INTS4: variants seen among roughly 807,000 people sequenced by gnomAD.
INTS4 encodes integrator complex subunit 4.
In INTS4, 70 loss-of-function variants were observed where a neutral mutation model predicts 119.5. The observed-to-expected ratio is 0.59, with a 90% CI of 0.48 to 0.71. The LOEUF (loss-of-function observed/expected upper bound fraction) is 0.71, where lower values mean the gene tolerates loss of function less well. INTS4 is among the 30% of genes least tolerant of loss of function. INTS4 has a pLI of 0.00. For synonymous variants in INTS4, 316 were observed against 419.6 expected, an observed-to-expected ratio of 0.75 and a Z score of 3.02; for missense variants, 867 against 1,173.2, an observed-to-expected ratio of 0.74 and a Z score of 3.81.
chr11:77,923,884 C>T (rs1411068327), intron 12 of INTS4, among the ~76,000 whole-genome samples: 1 of 150,790 alleles, frequency 6.6e-6, no homozygotes, highest in East Asian at 2.0e-4. Context: ...CCTGCCTTCG[C>T]CTCCCAAGTA....
intron 21 of INTS4, among the ~76,000 whole-genome samples, chr11:77,889,315 A>C (rs113671826): frequency 6.7e-6 from 1 of 148,812 alleles, no homozygotes; most frequent in Non-Finnish European, 1.5e-5. Context: ...CAAACACCGC[A>C]TGTTCTCACT....
chr11:77,936,478 G>A (rs752577350), intron 10 of INTS4, among the ~76,000 whole-genome samples: 9 of 152,182 alleles, frequency 5.9e-5, no homozygotes, highest in East Asian at 1.9e-4. Context: ...TAACTCCTGC[G>A]CTCAAGCAAT....
At chr11:77,983,398 C>G (rs1856319496) in intron 2 of INTS4, among the ~76,000 whole-genome samples, 1 of 152,066 alleles carries the variant, frequency 6.6e-6, no homozygotes. Flanking sequence ...GTCACCATGC[C>G]CCAGTCTTCT....
At chr11:77,877,258 A>T (rs940646889), downstream of INTS4, among the ~76,000 whole-genome samples, 1 of 55,234 alleles carries the variant, frequency 1.8e-5, no homozygotes, top group Admixed American at 1.9e-4. Context: ...CTAGAGAGTT[A>T]ATTAATTAAT....
intron 10 of INTS4, among the ~76,000 whole-genome samples, chr11:77,932,886 A>G (rs968898679): frequency 6.8e-6 from 1 of 147,082 alleles, no homozygotes; most frequent in African/African-American, 2.5e-5. Context: ...GTTCTCACTC[A>G]TAAGTGGGAG....
At position 77,962,945 on chromosome 11, in the gene INTS4, G is replaced by A. The variant is rs148217085; in HGVS notation, c.472-1807C>T. Reference sequence around the variant, plus strand: ...CCAGAGAATTGCTTGAACCCAGGAAGCGGAGGTTTCAGTGAGCCAAGATCA... The same window carrying A: ...CCAGAGAATTGCTTGAACCCAGGAAACGGAGGTTTCAGTGAGCCAAGATCA... On this transcript the variant is annotated intron_variant, in intron 4 of 22. Transcript: ENST00000534064. 2.8e-3 allele frequency among the ~76,000 whole-genome samples: 424 copies of A among 152,194 alleles called. 1 individual carries two copies. Among genetic ancestry groups the A allele is most frequent in the African/African-American group, 9.8e-3 (407 of 41,510 alleles).
At position 77,932,656 on chromosome 11, in the gene INTS4, A is replaced by C. The variant is rs1953680653; in HGVS notation, c.1166-4109T>G. Reference sequence around the variant, plus strand: ...CATTCTACTATAAGAACACATGCACACATATGTTTATTGCAGCACTATTCA... The same window carrying C: ...CATTCTACTATAAGAACACATGCACCCATATGTTTATTGCAGCACTATTCA... On this transcript the variant is annotated intron_variant, in intron 10 of 22. Coordinates refer to ENST00000534064, the MANE Select transcript of INTS4 (RefSeq NM_033547.4). Among the ~76,000 whole-genome samples, 4 of 152,324 alleles carry C rather than the reference A, an allele frequency of 2.6e-5. No homozygotes were observed. The South Asian group carries it at 8.3e-4, about 32-fold the overall frequency.
At chr11:77,958,073 T>A (rs1023266246) in intron 7 of INTS4, among the ~76,000 whole-genome samples, 14 of 152,124 alleles carry the variant, frequency 9.2e-5, no homozygotes, top group Admixed American at 3.9e-4. Context: ...TCTTTGTATG[T>A]GTCTAAGTCC....
intron 10 of INTS4, among the ~76,000 whole-genome samples, chr11:77,934,394 T>TAAAAAAAA (rs57661146): frequency 8.0e-6 from 1 of 125,394 alleles, no homozygotes; most frequent in African/African-American, 3.0e-5. Context: ...CAATAAATAC[T>TAAAAAAAA]AAAAAAAAAA....
At chr11:77,879,867 A>G (rs553557247) in intron 22 of INTS4, among the ~76,000 whole-genome samples, 31 of 152,308 alleles carry the variant, frequency 2.0e-4, no homozygotes, top group African/African-American at 7.2e-4. Context: ...TATCCATTCT[A>G]TGCCAAACAG....
intron 12 of INTS4, 155 bp from the exon 13 acceptor site, chr11:77,922,626 A>T (rs1355096260): frequency 1.0e-6 from 1 of 962,146 alleles, no homozygotes; most frequent in African/African-American, 1.7e-5. Flanking sequence ...TCACCCAGTT[A>T]TTCTGGAACT....
At chr11:77,971,164 G>T (rs1170576715) in intron 4 of INTS4, among the ~76,000 whole-genome samples, 1 of 152,040 alleles carries the variant, frequency 6.6e-6, no homozygotes, top group East Asian at 1.9e-4. Flanking sequence ...CTTTTGTGTT[G>T]TATGTTTATC....
In INTS4 at chr11:77,958,753, G is replaced by A. The variant is rs1370867304; in HGVS notation, c.790C>T (p.Pro264Ser). The change falls in exon 7 of 23, where the codon CCT (proline) becomes TCT (serine). Residue 264 changes from proline to serine, a missense_variant. Coordinates refer to ENST00000534064, the MANE Select transcript of INTS4 (RefSeq NM_033547.4). Reference sequence around the variant, plus strand: ...GCTTACACCCACACTGACCTTTCAGGATAGAGCTGACTGACGACCCAGATA... The same window carrying A: ...GCTTACACCCACACTGACCTTTCAGAATAGAGCTGACTGACGACCCAGATA... ...QLIWVVSQLY[P>S]ESIVPIPSSN... The A allele has an allele frequency of 6.2e-7, 1 of 1,605,208 alleles. No homozygotes were observed. Among genetic ancestry groups the A allele is most frequent in the African/African-American group, 1.3e-5 (1 of 74,676 alleles).
chr11:77,952,376 TTTG>T (rs1954217378), intron 8 of INTS4, among the ~76,000 whole-genome samples: 1 of 152,210 alleles, frequency 6.6e-6, no homozygotes. Context: ...AAATTTTAAT[TTTG>T]TTATTTATAA....
intron 7 of INTS4, among the ~76,000 whole-genome samples, chr11:77,956,687 A>G (rs955887341): frequency 6.7e-6 from 1 of 148,500 alleles, no homozygotes; most frequent in African/African-American, 2.5e-5. Flanking sequence ...AGCCTGGGCA[A>G]CAGAGCGAGA....
At chr11:77,949,682 A>C (rs1317719046) in intron 8 of INTS4, among the ~76,000 whole-genome samples, 2 of 152,230 alleles carry the variant, frequency 1.3e-5, no homozygotes, top group Non-Finnish European at 2.9e-5. Flanking sequence ...ATCTCACACC[A>C]GTTAGAATGG....
At chr11:77,921,544 C>T (rs1336794552) in intron 13 of INTS4, 71 bp from the exon 14 acceptor site, 3 of 917,974 alleles carry the variant, frequency 3.3e-6, no homozygotes, top group South Asian at 2.8e-5. Flanking sequence ...TCTCACTTTC[C>T]ACCTCCAAAA....
chr11:77,969,534 A>G (rs1229218052), intron 4 of INTS4, among the ~76,000 whole-genome samples: 2 of 152,058 alleles, frequency 1.3e-5, no homozygotes, highest in African/African-American at 2.4e-5. Flanking sequence ...GATGTGCACC[A>G]TCACACCTGC....
intron 2 of INTS4, 62 bp downstream of exon 2, chr11:77,991,046 A>T: frequency 1.4e-6 from 2 of 1,407,786 alleles, no homozygotes; most frequent in Non-Finnish European, 2.0e-6. Flanking sequence ...AATATTAACC[A>T]TTCTGCAGAC....
Sources: gnomAD v4.1 joint callset for allele counts (sites outside exome capture counted in the v4.1 genomes callset) on GRCh38, gnomAD v4.1.1 for gene constraint, MANE v1.5 for transcripts, NCBI Gene and HGNC (gene_info 2026-07-23, HGNC 2026-07-21) for gene names.